Variants in RMND5A observed in about 807,000 individuals in gnomAD.
RMND5A encodes E3 ubiquitin-protein transferase RMND5A.
In RMND5A, 17 loss-of-function variants were observed where a neutral mutation model predicts 49.7. The observed-to-expected ratio is 0.34, with a 90% CI of 0.23 to 0.51. RMND5A has a LOEUF of 0.51. Ranked by LOEUF, RMND5A falls within the 20% of genes least tolerant of loss-of-function variation. The pLI, the probability that RMND5A is intolerant of heterozygous loss-of-function variation, is 0.96. For synonymous variants in RMND5A, 156 were observed against 167.7 expected (o/e 0.93, Z 0.54); for missense variants, 255 against 471.3 (o/e 0.54, Z 4.25).
intron 4 of RMND5A, among the ~76,000 whole-genome samples, chr2:86,755,198 A>G (rs1681711274): frequency 6.6e-6 from 1 of 150,846 alleles, no homozygotes; most frequent in Non-Finnish European, 1.5e-5. Context: ...CTCACTGCAC[A>G]CTCTCAAACT....
chr2:86,743,392 T>C (rs751798707), intron 2 of RMND5A, among the ~76,000 whole-genome samples: 41 of 151,980 alleles, frequency 2.7e-4, no homozygotes, highest in Non-Finnish European at 4.9e-4. Context: ...CCTTGGAAGT[T>C]ATAAGGACTT....
chr2:86,751,839 T>G lies in RMND5A; in HGVS notation c.286-57T>G, dbSNP rs1341098868. The stretch of plus-strand genomic sequence containing the variant: ...ACTGAAACAAAGACCATTTTTTTCC[T>G]GTTAAGTGGGGTGAAAATAATCTAT... On this transcript the variant is annotated intron_variant, in intron 2 of 8. Coordinates refer to ENST00000283632, the MANE Select transcript of RMND5A (RefSeq NM_022780.4). The G allele has an allele frequency of 1.9e-6, 3 of 1,540,990 alleles. No homozygotes were observed. In the Admixed American group the frequency reaches 5.7e-5, roughly 29 times the overall value.
intron 6 of RMND5A, among the ~76,000 whole-genome samples, chr2:86,766,255 G>A (rs566969025): frequency 6.6e-6 from 1 of 152,274 alleles, no homozygotes; most frequent in African/African-American, 2.4e-5. Context: ...CCACTGTATT[G>A]ACATTAGTAC....
chr2:86,752,229 T>G (rs985936467), intron 3 of RMND5A, among the ~76,000 whole-genome samples, 199 bp downstream of exon 3: 1 of 152,222 alleles, frequency 6.6e-6, no homozygotes, highest in Admixed American at 6.5e-5. Context: ...TTCTAGAACT[T>G]GTTATCCAGA....
chr2:86,770,023 T>C lies in RMND5A; in HGVS notation c.855T>C (p.Ser285=). ...GLSVESPLSV[S]FSAGCVALPA... is the part of the protein sequence containing the mutation. ...GACGTTTCCTCTTCTGCTCTCCCAGTTTCTCAGCAGGTTGTGTGGCGCTGC... is the reference window on the plus strand; with the variant it reads ...GACGTTTCCTCTTCTGCTCTCCCAGCTTCTCAGCAGGTTGTGTGGCGCTGC... Residue 285 remains serine (S), a splice_region_variant and synonymous_variant, in exon 7 of 9, where the codon AGT becomes AGC. Transcript: ENST00000283632. 6.2e-7 allele frequency: 1 copy of C among 1,613,146 alleles called. No homozygotes were observed. Among genetic ancestry groups the C allele is most frequent in the Non-Finnish European group, 8.5e-7 (1 of 1,179,206 alleles).
At chr2:86,749,841 G>A (rs2104395666) in intron 2 of RMND5A, among the ~76,000 whole-genome samples, 1 of 152,214 alleles carries the variant, frequency 6.6e-6, no homozygotes, top group East Asian at 1.9e-4. Context: ...TCAGTTTTAG[G>A]CTACTGTTTT....
intron 4 of RMND5A, among the ~76,000 whole-genome samples, chr2:86,756,309 C>T (rs1302015097): frequency 6.6e-6 from 1 of 152,150 alleles, no homozygotes; most frequent in Non-Finnish European, 1.5e-5. Flanking sequence ...GGGAGGATCA[C>T]TTGAGCCCAG....
rs1681521010 is a variant in RMND5A at position 86,745,408 on chromosome 2, C to G, written c.285+4339C>G. Among the ~76,000 whole-genome samples, 4 of 152,140 alleles carry G rather than the reference C, an allele frequency of 2.6e-5. No individual in the cohort carries two copies. In the South Asian group the frequency reaches 8.3e-4, roughly 31 times the overall value. On this transcript the variant is annotated intron_variant, in intron 2 of 8. Coordinates refer to ENST00000283632, the MANE Select transcript of RMND5A (RefSeq NM_022780.4). Reference sequence around the variant, plus strand: ...AAGGTAGTTGCTATCTTAAATTTGACTTGGAAGAGTGGGTAAGATTTAGAG... The same window carrying G: ...AAGGTAGTTGCTATCTTAAATTTGAGTTGGAAGAGTGGGTAAGATTTAGAG...
chr2:86,752,704 G>T (rs1305979252), intron 3 of RMND5A, among the ~76,000 whole-genome samples: 1 of 152,194 alleles, frequency 6.6e-6, no homozygotes, highest in Non-Finnish European at 1.5e-5. Context: ...AAAGAACTGG[G>T]ATTCAGTCCC....
chr2:86,768,222 G>C (rs552309869), intron 6 of RMND5A, among the ~76,000 whole-genome samples: 4 of 152,338 alleles, frequency 2.6e-5, no homozygotes, highest in Admixed American at 6.5e-5. Flanking sequence ...AAGGGGTCCT[G>C]AAACCAAAAC....
chr2:86,769,464 A>G (rs1393284203), intron 6 of RMND5A, among the ~76,000 whole-genome samples: 3 of 152,242 alleles, frequency 2.0e-5, no homozygotes, highest in African/African-American at 7.2e-5. Flanking sequence ...TATATTGCTG[A>G]GTGAAGAATT....
At chr2:86,753,835 G>A (rs1681680944) in intron 4 of RMND5A, among the ~76,000 whole-genome samples, 1 of 152,154 alleles carries the variant, frequency 6.6e-6, no homozygotes, top group South Asian at 2.1e-4. Flanking sequence ...ACTTTGTGTG[G>A]GCTGACATTA....
At chr2:86,753,009 T>C (rs1464044929) in intron 3 of RMND5A, among the ~76,000 whole-genome samples, 1 of 152,158 alleles carries the variant, frequency 6.6e-6, no homozygotes, top group African/African-American at 2.4e-5. Flanking sequence ...AAGTGAAATT[T>C]TTTTCTTGCA....
chr2:86,721,726 A>C (rs2674828), intron 1 of RMND5A, among the ~76,000 whole-genome samples: 1 of 151,462 alleles, frequency 6.6e-6, no homozygotes, highest in Non-Finnish European at 1.5e-5. Flanking sequence ...GACTTATTTA[A>C]TGGGTCTTTA....
At chr2:86,729,086 TA>T (rs1383184020) in intron 1 of RMND5A, among the ~76,000 whole-genome samples, 4 of 152,184 alleles carry the variant, frequency 2.6e-5, no homozygotes, top group African/African-American at 9.7e-5. Context: ...TTTTGGGTAA[TA>T]TTTAGGTGTC....
chr2:86,770,195 A>C, intron 7 of RMND5A, 70 bp downstream of exon 7: 1 of 1,081,702 alleles, frequency 9.2e-7, no homozygotes, highest in Non-Finnish European at 1.4e-6. Flanking sequence ...TTAAATGTTC[A>C]TCTTACCTTT....
chr2:86,776,381 C>T lies in RMND5A; in HGVS notation c.*2970C>T, dbSNP rs1672768906. ...AGGGTGTGTATTTTTTGAGTGTGAG[C>T]ATTTAATTGAAAATAAGAAAGCTAT... On this transcript the variant is annotated 3_prime_UTR_variant, in exon 9 of 9. Coordinates refer to ENST00000283632, the MANE Select transcript of RMND5A (RefSeq NM_022780.4). 1 of 152,154 alleles carries T rather than the reference C, an allele frequency of 6.6e-6. No homozygotes were observed. The highest frequency in any genetic ancestry group is 2.4e-5 in the African/African-American group (1 of 41,448). The allele number at this position is 152,154 out of a possible 1,614,324, so 9.4% of individuals were successfully genotyped here.
At chr2:86,771,349 T>G (rs911571186) in intron 7 of RMND5A, 1 of 466,090 alleles carries the variant, frequency 2.1e-6, no homozygotes, top group African/African-American at 1.9e-5. Context: ...TTTTTACACT[T>G]TGTCAGCTTT....
chr2:86,756,426 T>TACAGTAAAGAAACTCATTTA (rs1461178510), intron 4 of RMND5A, among the ~76,000 whole-genome samples: 1 of 152,126 alleles, frequency 6.6e-6, no homozygotes, highest in Non-Finnish European at 1.5e-5. Context: ...TCAGTAATCC[T>TACAGTAAAGAAACTCATTTA]ACAGTAAAGA....
Sources: gnomAD v4.1 joint callset for allele counts (sites outside exome capture counted in the v4.1 genomes callset) on GRCh38, gnomAD v4.1.1 for gene constraint, MANE v1.5 for transcripts, NCBI Gene and HGNC (gene_info 2026-07-23, HGNC 2026-07-21) for gene names.